Variants in ZNF804B observed in about 807,000 individuals in gnomAD.
ZNF804B encodes the protein zinc finger protein 804B, also known as zinc finger 804B.
ZNF804B carries 80 observed loss-of-function variants against 101.4 expected under a neutral mutation model. That is an observed-to-expected ratio of 0.79 (90% CI 0.66 to 0.95). ZNF804B has a LOEUF of 0.95. Among genes scored for constraint, ZNF804B ranks in the 40% least tolerant of loss-of-function variants. ZNF804B has a pLI of 0.00. For missense variants in ZNF804B, 1,673 were observed against 1,561.9 expected (o/e 1.07, Z -1.20); for synonymous variants, 622 against 558.8 (o/e 1.11, Z -1.59).
In ZNF804B at chr7:88,997,801, A is replaced by G. The variant is rs142163660; in HGVS notation, c.109-220354A>G. Among the ~76,000 whole-genome samples the G allele has an allele frequency of 5.6e-3, 846 of 152,144 alleles. 9 individuals are homozygous for G. Among genetic ancestry groups the G allele is most frequent in the African/African-American group, 0.018 (762 of 41,528 alleles). On this transcript the variant is annotated intron_variant, in intron 1 of 3. Coordinates refer to ENST00000333190, the MANE Select transcript of ZNF804B (RefSeq NM_181646.5). The stretch of plus-strand genomic sequence containing the variant: ...AGGCACCTTCCTCTCCTATCGCACC[A>G]CTCAAAATTTGGCCCATCTTTCGGA...
intron 2 of ZNF804B, among the ~76,000 whole-genome samples, chr7:89,256,034 A>T (rs1387521227): frequency 6.6e-6 from 1 of 152,164 alleles, no homozygotes; most frequent in South Asian, 2.1e-4. Flanking sequence ...GCACATTAGT[A>T]TTTGTTCAAT....
At chr7:89,002,098 A>G (rs1391297136) in intron 1 of ZNF804B, among the ~76,000 whole-genome samples, 1 of 151,638 alleles carries the variant, frequency 6.6e-6, no homozygotes, top group Non-Finnish European at 1.5e-5. Flanking sequence ...TGTGAGTAAT[A>G]TTATAACACA....
At chr7:89,064,511 A>G (rs1789425366) in intron 1 of ZNF804B, among the ~76,000 whole-genome samples, 1 of 152,188 alleles carries the variant, frequency 6.6e-6, no homozygotes, top group African/African-American at 2.4e-5. Flanking sequence ...AATGTGGTTT[A>G]GATTAGAGCT....
chr7:89,009,938 C>G (rs1788429887), intron 1 of ZNF804B, among the ~76,000 whole-genome samples: 2 of 152,158 alleles, frequency 1.3e-5, no homozygotes, highest in African/African-American at 4.8e-5. Flanking sequence ...TCTTTTAATT[C>G]CCTATACACA....
intron 1 of ZNF804B, among the ~76,000 whole-genome samples, chr7:89,094,002 TA>T (rs2116329171): frequency 6.6e-6 from 1 of 152,318 alleles, no homozygotes; most frequent in East Asian, 1.9e-4. Context: ...GACCTACTGT[TA>T]GCTAGTTAAA....
rs192115182 is a variant in ZNF804B, at chr7:89,026,486, A to G, written c.109-191669A>G. On this transcript the variant is annotated intron_variant, in intron 1 of 3. Transcript: ENST00000333190. ...TTATTTGATTTCTTTGTAGAGAATAAATTGAAGAAAGGCCACATTAGATGC... is the reference window on the plus strand; with the variant it reads ...TTATTTGATTTCTTTGTAGAGAATAGATTGAAGAAAGGCCACATTAGATGC... Among the ~76,000 whole-genome samples the G allele has an allele frequency of 2.0e-5, 3 of 152,298 alleles. No homozygotes were observed. In the East Asian group the frequency reaches 5.8e-4, roughly 29 times the overall value.
chr7:88,805,824 G>A (rs1011600464), intron 1 of ZNF804B, among the ~76,000 whole-genome samples: 9 of 152,126 alleles, frequency 5.9e-5, no homozygotes, highest in African/African-American at 1.9e-4. Context: ...TCAATGACAA[G>A]TACCTCTTAA....
At chr7:88,965,398 G>A (rs1198116438) in intron 1 of ZNF804B, among the ~76,000 whole-genome samples, 4 of 151,402 alleles carry the variant, frequency 2.6e-5, no homozygotes, top group African/African-American at 4.8e-5. Flanking sequence ...AAGTCCATGC[G>A]TAGAGTGGAT....
rs544076948 is a variant in ZNF804B at position 89,121,073 on chromosome 7, AC to A, written c.109-97081del. On this transcript the variant is annotated intron_variant, in intron 1 of 3. Coordinates refer to ENST00000333190, the MANE Select transcript of ZNF804B (RefSeq NM_181646.5). ...TGATAAACGAAATCCAGAGAGGTTA[AC>A]GAACTGCCTGAGAGGTAGACCAGGT... is the stretch of plus-strand genomic sequence containing the variant. Among the ~76,000 whole-genome samples the A allele has an allele frequency of 2.0e-4, 31 of 152,328 alleles. No homozygotes were observed. In the East Asian group the frequency reaches 3.1e-3, roughly 15 times the overall value.
intron 1 of ZNF804B, among the ~76,000 whole-genome samples, chr7:88,813,369 G>A (rs1261518714): frequency 1.3e-5 from 2 of 149,656 alleles, no homozygotes; most frequent in African/African-American, 4.9e-5. Flanking sequence ...AGCTTGCAGT[G>A]AGCCGAGATC....
At chr7:88,943,087 T>C (rs1373921377) in intron 1 of ZNF804B, among the ~76,000 whole-genome samples, 1 of 151,924 alleles carries the variant, frequency 6.6e-6, no homozygotes, top group African/African-American at 2.4e-5. Context: ...CCCCTAGTAA[T>C]TATAATAGAA....
Position 89,250,661 on chromosome 7 carries a change from C to T in ZNF804B, c.249+32366C>T, listed in dbSNP as rs147032558. ...AGAAAACAAAACTACAGACCAATAT[C>T]CCTGATGAACACAGACACAAAAATT... On this transcript the variant is annotated intron_variant, in intron 2 of 3. Transcript: ENST00000333190. Among the ~76,000 whole-genome samples the T allele has an allele frequency of 2.2e-3, 332 of 152,238 alleles. 1 individual carries two copies. The highest frequency in any genetic ancestry group is 7.3e-3 in the African/African-American group (302 of 41,562).
intron 2 of ZNF804B, among the ~76,000 whole-genome samples, chr7:89,318,677 T>G (rs567793301): frequency 6.6e-6 from 1 of 152,260 alleles, no homozygotes; most frequent in East Asian, 1.9e-4. Context: ...GCAGGAGAAT[T>G]GCTTGAACTC....
chr7:89,032,398 T>C (rs1562865744), intron 1 of ZNF804B, among the ~76,000 whole-genome samples: 1 of 152,078 alleles, frequency 6.6e-6, no homozygotes, highest in Non-Finnish European at 1.5e-5. Flanking sequence ...TTCAACTAGA[T>C]TTTAAAGTAA....
In ZNF804B at chr7:88,839,407, C is replaced by T. The variant is rs1281244231; in HGVS notation, c.108+79323C>T. ...ACCTTAGGTATAACATAAGGTATAC[C>T]TCCTAGTTTCCTTAGGAGGAATACT... On this transcript the variant is annotated intron_variant, in intron 1 of 3. Coordinates refer to ENST00000333190, the MANE Select transcript of ZNF804B (RefSeq NM_181646.5). 2.6e-5 allele frequency among the ~76,000 whole-genome samples: 4 copies of T among 151,832 alleles called. No individual in the cohort carries two copies. In the South Asian group the frequency reaches 6.2e-4, roughly 24 times the overall value.
intron 1 of ZNF804B, among the ~76,000 whole-genome samples, chr7:88,871,954 G>T (rs1192540585): frequency 1.3e-5 from 2 of 151,588 alleles, no homozygotes. Flanking sequence ...GGCAACAAGG[G>T]TGAAACTCTG....
At chr7:88,800,271 G>C (rs1455958745) in intron 1 of ZNF804B, among the ~76,000 whole-genome samples, 1 of 151,720 alleles carries the variant, frequency 6.6e-6, no homozygotes, top group Non-Finnish European at 1.5e-5. Context: ...TATTGAAAAA[G>C]ACATTCCCCC....
At chr7:89,146,491 GAAATA>G (rs895565704) in intron 1 of ZNF804B, among the ~76,000 whole-genome samples, 5 of 151,984 alleles carry the variant, frequency 3.3e-5, no homozygotes, top group Non-Finnish European at 5.9e-5. Context: ...TAGACTTATG[GAAATA>G]AAATAAAGTC....
intron 1 of ZNF804B, among the ~76,000 whole-genome samples, chr7:89,041,490 T>A (rs1789016784): frequency 6.6e-6 from 1 of 152,086 alleles, no homozygotes; most frequent in Non-Finnish European, 1.5e-5. Context: ...CCATGAGGGC[T>A]GACCTGGCAC....
Sources: gnomAD v4.1 joint callset for allele counts (sites outside exome capture counted in the v4.1 genomes callset) on GRCh38, gnomAD v4.1.1 for gene constraint, MANE v1.5 for transcripts, NCBI Gene and HGNC (gene_info 2026-07-23, HGNC 2026-07-21) for gene names.